The following LAMC3 variants were observed in gnomAD, a reference collection of about 807,000 sequenced individuals.
The protein encoded by LAMC3 is laminin subunit gamma-3.
LAMC3 carries 128 observed loss-of-function variants against 173.8 expected under a neutral mutation model. The observed-to-expected ratio is 0.74, with a 90% CI of 0.64 to 0.85. The LOEUF (loss-of-function observed/expected upper bound fraction) is 0.85. Ranked by LOEUF, LAMC3 falls within the 40% of genes least tolerant of loss-of-function variation. The pLI is 0.00. For synonymous variants in LAMC3, 897 were observed against 909.1 expected (o/e 0.99, Z 0.24); for missense variants, 2,022 against 2,156.0 (o/e 0.94, Z 1.23).
At chr9:131,034,945 T>G (rs3053610) in intron 3 of LAMC3, among the ~76,000 whole-genome samples, 1 of 138,194 alleles carries the variant, frequency 7.2e-6, no homozygotes, top group Non-Finnish European at 1.6e-5. Flanking sequence ...GATGATTATT[T>G]ATTTATTTAT....
At chr9:131,051,642 C>T (rs1834288209) in intron 9 of LAMC3, among the ~76,000 whole-genome samples, 1 of 152,102 alleles carries the variant, frequency 6.6e-6, no homozygotes, top group Admixed American at 6.6e-5. Flanking sequence ...GGATTACAGG[C>T]GTGAGCCACA....
chr9:131,032,170 C>T lies in LAMC3; in HGVS notation c.804C>T (p.Gly268=), dbSNP rs139742340. 3.0e-5 allele frequency: 49 copies of T among 1,607,262 alleles called. No homozygotes were observed. Among genetic ancestry groups the T allele is most frequent in the Non-Finnish European group, 3.4e-5 (40 of 1,178,304 alleles). ...YYYAVSDFSV[G]GRCKCNGHAS... is the part of the protein sequence containing the mutation. ...ATGCCGTGTCCGACTTCTCTGTGGGCGGCAGGTAGGAGGGAGGAGGGAGGC... is the reference window on the plus strand; with the variant it reads ...ATGCCGTGTCCGACTTCTCTGTGGGTGGCAGGTAGGAGGGAGGAGGGAGGC... The change falls in exon 3 of 28, where the codon GGC becomes GGT. Residue 268 remains glycine (G), a synonymous_variant. Transcript: ENST00000361069.
At position 131,035,668 on chromosome 9, in the gene LAMC3, G is replaced by T. The variant is rs562878159; in HGVS notation, c.810-498G>T. On this transcript the variant is annotated intron_variant, in intron 3 of 27. Coordinates refer to ENST00000361069, the MANE Select transcript of LAMC3 (RefSeq NM_006059.4). ...ATGGGGGATTTGGAGTGACTCAGGAGCTGTCCCTGTTTGGGGTACCTTCTT... is the reference window on the plus strand; with the variant it reads ...ATGGGGGATTTGGAGTGACTCAGGATCTGTCCCTGTTTGGGGTACCTTCTT... 2.6e-5 allele frequency among the ~76,000 whole-genome samples: 4 copies of T among 152,328 alleles called. No homozygotes were observed. The East Asian group carries it at 5.8e-4, about 22-fold the overall frequency.
At chr9:131,020,847 C>G (rs562129646) in intron 1 of LAMC3, among the ~76,000 whole-genome samples, 52 of 152,266 alleles carry the variant, frequency 3.4e-4, no homozygotes, top group African/African-American at 1.2e-3. Flanking sequence ...TTTTTCCCCC[C>G]CAAATACATG....
intron 23 of LAMC3, 119 bp downstream of exon 23, chr9:131,079,417 G>A (rs553323785): frequency 3.0e-5 from 37 of 1,230,722 alleles, no homozygotes; most frequent in African/African-American, 1.8e-4. Flanking sequence ...CTGTCCGGCC[G>A]GGTGTAGTGG....
intron 1 of LAMC3, among the ~76,000 whole-genome samples, chr9:131,023,561 A>G (rs2133221632): frequency 6.6e-6 from 1 of 152,264 alleles, no homozygotes; most frequent in African/African-American, 2.4e-5. Flanking sequence ...TTTCTTGGCC[A>G]TTCATATATC....
At chr9:131,027,343 C>A (rs1016958854) in intron 2 of LAMC3, among the ~76,000 whole-genome samples, 1 of 152,256 alleles carries the variant, frequency 6.6e-6, no homozygotes, top group African/African-American at 2.4e-5. Context: ...CGCTGAGGGG[C>A]CTCGCTTCCT....
At chr9:131,038,748 C>A in intron 4 of LAMC3, 116 bp from the exon 5 acceptor site, 1 of 1,063,986 alleles carries the variant, frequency 9.4e-7, no homozygotes, top group Non-Finnish European at 1.4e-6. Flanking sequence ...GGACCATGCT[C>A]TTGCCCTTCT....
chr9:131,084,403 G>A (rs943566609), intron 24 of LAMC3, among the ~76,000 whole-genome samples: 3 of 151,634 alleles, frequency 2.0e-5, no homozygotes, highest in Non-Finnish European at 2.9e-5. Context: ...TAGAGATGAG[G>A]TCTCACTATG....
intron 13 of LAMC3, among the ~76,000 whole-genome samples, chr9:131,062,229 C>T (rs7022513): frequency 0.67 from 101,338 of 151,286 alleles, 34,157 homozygotes; most frequent in Non-Finnish European, 0.7. Context: ...GGCGTGGTGG[C>T]GGGCGCCTGT....
chr9:131,039,014 C>G lies in LAMC3; in HGVS notation c.1127C>G (p.Pro376Arg), dbSNP rs769132268. Residue 376 changes from proline to arginine, a missense_variant, in exon 5 of 28, where the codon CCG becomes CGG. Coordinates refer to ENST00000361069, the MANE Select transcript of LAMC3 (RefSeq NM_006059.4). ...CAGGAGAATTTCTATCACTGGGACC[C>G]GCGGATGCCATGCCAGCCCTGTGAC... is the stretch of plus-strand genomic sequence containing the variant. ...RCQENFYHWD[P>R]RMPCQPCDCQ... 1.9e-6 allele frequency: 3 copies of G among 1,613,580 alleles called. No individual in the cohort carries two copies. The Admixed American group carries it at 5.0e-5, about 27-fold the overall frequency.
Position 131,009,637 on chromosome 9 carries a change from CTGGGGG to C in LAMC3, c.373+52_373+57del. On this transcript the variant is annotated intron_variant, in intron 1 of 27. Transcript: ENST00000361069. This position sits in a 1 kb window ranked among gnomAD's most constrained non-coding sequence, Gnocchi z 4.3. ...CACCGCACCCCGTGTCCCCACTCCA[CTGGGGG>C]TCTGAGGCTGAGGCCTGAGCTGCTG... 2 of 1,542,150 alleles carry C rather than the reference CTGGGGG, an allele frequency of 1.3e-6. No homozygotes were observed. Among genetic ancestry groups the C allele is most frequent in the Non-Finnish European group, 1.7e-6 (2 of 1,144,692 alleles).
intron 1 of LAMC3, among the ~76,000 whole-genome samples, chr9:131,014,590 C>A (rs974290054): frequency 2.6e-5 from 4 of 152,242 alleles, no homozygotes; most frequent in Non-Finnish European, 4.4e-5. Flanking sequence ...CCTGTTTTCA[C>A]ACCTGTGCCC....
chr9:131,079,276 G>A lies in LAMC3; in HGVS notation c.3905G>A (p.Arg1302Gln), dbSNP rs758528347. 7.4e-6 allele frequency: 12 copies of A among 1,614,040 alleles called. No individual in the cohort carries two copies. The highest frequency in any genetic ancestry group is 2.2e-5 in the East Asian group (1 of 44,890). ...TLQTAAQATL[R>Q]QTEPLTKLHQ... The stretch of plus-strand genomic sequence containing the variant: ...CAGACTGCTGCCCAGGCGACGCTAC[G>A]GCAAACAGAACCCCTCACAAAGGTC... Residue 1302 changes from arginine to glutamine, a missense_variant, in exon 23 of 28, where the codon CGG becomes CAG. By Grantham distance (43) the Arg-to-Gln change is conservative. Coordinates refer to ENST00000361069, the MANE Select transcript of LAMC3 (RefSeq NM_006059.4).
chr9:131,009,673 C>A lies in LAMC3; in HGVS notation c.373+86C>A. 6.7e-7 allele frequency: 1 copy of A among 1,495,190 alleles called. No individual in the cohort carries two copies. The allele number at this position is 1,495,190 out of a possible 1,614,324, so 92.6% of individuals were successfully genotyped here. A position where few individuals can be genotyped will look rare whatever the true frequency, so the allele number is the denominator to read the frequency against. ...AGGCTGAGGCCTGAGCTGCTGTGCG[C>A]CCAGGTTGGGCTGCAGGACCCAGAT... is the stretch of plus-strand genomic sequence containing the variant. On this transcript the variant is annotated intron_variant, in intron 1 of 27. Coordinates refer to ENST00000361069, the MANE Select transcript of LAMC3 (RefSeq NM_006059.4). The surrounding 1 kb of genome is among the most constrained non-coding windows in gnomAD (Gnocchi z 4.3).
chr9:131,068,298 C>T (rs576524638), intron 15 of LAMC3, 67 bp downstream of exon 15: 11 of 1,528,062 alleles, frequency 7.2e-6, no homozygotes, highest in South Asian at 5.8e-5. Context: ...TCGGGCAGCC[C>T]CCAGGGAGGG....
rs530563357 is a variant in LAMC3, at chr9:131,060,534, C to T, written c.2159-501C>T. On this transcript the variant is annotated intron_variant, in intron 12 of 27. Transcript: ENST00000361069. Reference sequence around the variant, plus strand: ...TGACGCACGCCTGTAACCCCAGCTACTTGGGAGGCTGAGGCAGTAATATCA... The same window carrying T: ...TGACGCACGCCTGTAACCCCAGCTATTTGGGAGGCTGAGGCAGTAATATCA... 7.9e-5 allele frequency among the ~76,000 whole-genome samples: 12 copies of T among 152,144 alleles called. No homozygotes were observed. The South Asian group carries it at 2.1e-3, about 26-fold the overall frequency.
intron 4 of LAMC3, 22 bp downstream of exon 4, chr9:131,036,354 G>A (rs1384838827): frequency 6.2e-7 from 1 of 1,612,432 alleles, no homozygotes; most frequent in Non-Finnish European, 8.5e-7. Flanking sequence ...AGTGTCACAG[G>A]GCATCAGGGA....
At position 131,039,286 on chromosome 9, in the gene LAMC3, C is replaced by T. The variant is rs201099869; in HGVS notation, c.1283+38C>T. On this transcript the variant is annotated intron_variant, in intron 6 of 27. Coordinates refer to ENST00000361069, the MANE Select transcript of LAMC3 (RefSeq NM_006059.4). ...GGCGGCCCAGTATGGACACATTGCA[C>T]TGAATGACAAGAAGCAGGAGGAACA... 1.1e-4 allele frequency: 173 copies of T among 1,527,108 alleles called. 1 individual carries two copies. In the African/African-American group the frequency reaches 2.2e-3, roughly 20 times the overall value. The allele number at this position is 1,527,108 out of a possible 1,614,324, so 94.6% of individuals were successfully genotyped here.
Sources: allele counts gnomAD v4.1 joint callset (sites outside exome capture counted in the v4.1 genomes callset), GRCh38; gene constraint gnomAD v4.1.1; non-coding constraint Gnocchi (gnomAD v3.1); transcripts MANE v1.5; gene names NCBI Gene and HGNC (gene_info 2026-07-23, HGNC 2026-07-21).